Variants in ZNF704 observed in about 807,000 individuals in gnomAD.
ZNF704 encodes the protein glucocorticoid induced gene 1.
In ZNF704, 10 loss-of-function variants were observed where a neutral mutation model predicts 44.7. That is an observed-to-expected ratio of 0.22 (90% CI 0.14 to 0.38). ZNF704 has a LOEUF of 0.38. Among genes scored for constraint, ZNF704 ranks in the 10% least tolerant of loss-of-function variants. The pLI is 1.00. For missense variants in ZNF704, 390 were observed against 545.5 expected (o/e 0.71, Z 2.84); for synonymous variants, 211 against 207.6 (o/e 1.02, Z -0.14).
intron 2 of ZNF704, among the ~76,000 whole-genome samples, chr8:80,788,093 TAGTC>T (rs1554581880): frequency 6.6e-6 from 1 of 152,186 alleles, no homozygotes; most frequent in Non-Finnish European, 1.5e-5. Flanking sequence ...CCAAACATGA[TAGTC>T]AGAATTTCAT....
At chr8:80,693,824 G>T (rs1043613376) in intron 2 of ZNF704, among the ~76,000 whole-genome samples, 2 of 152,220 alleles carry the variant, frequency 1.3e-5, no homozygotes, top group Non-Finnish European at 2.9e-5. Flanking sequence ...AGTGAAATGG[G>T]AAGTCCCTGG....
intron 2 of ZNF704, among the ~76,000 whole-genome samples, chr8:80,776,121 T>C (rs906470099): frequency 6.6e-6 from 1 of 152,160 alleles, no homozygotes; most frequent in Non-Finnish European, 1.5e-5. Context: ...GCTAAATATT[T>C]AGCTCACTTG....
rs144304790 is a variant in ZNF704, at chr8:80,695,827, T to A, written c.222-2720A>T. On this transcript the variant is annotated intron_variant, in intron 2 of 8. Coordinates refer to ENST00000327835, the MANE Select transcript of ZNF704 (RefSeq NM_001033723.3). ...AGAATGAAAAAAGGAATAATTAGTATAATCAGAGTGTTTTTGGATTTGGAT... is the reference window on the plus strand; with the variant it reads ...AGAATGAAAAAAGGAATAATTAGTAAAATCAGAGTGTTTTTGGATTTGGAT... 4.8e-3 allele frequency among the ~76,000 whole-genome samples: 727 copies of A among 152,348 alleles called. 5 individuals are homozygous for A. The highest frequency in any genetic ancestry group is 0.025 in the South Asian group (122 of 4,824).
chr8:80,696,667 C>T (rs1818730518), intron 2 of ZNF704, among the ~76,000 whole-genome samples: 1 of 152,222 alleles, frequency 6.6e-6, no homozygotes, highest in Admixed American at 6.5e-5. Flanking sequence ...ATCTACCTGC[C>T]TTAGCCTCCT....
chr8:80,657,177 T>G (rs1818029024), intron 7 of ZNF704, among the ~76,000 whole-genome samples: 1 of 152,148 alleles, frequency 6.6e-6, no homozygotes, highest in Admixed American at 6.6e-5. Context: ...CCTGCTTGTT[T>G]TTTTTAGAGC....
At chr8:80,646,471 T>C (rs1817835867) in intron 7 of ZNF704, among the ~76,000 whole-genome samples, 1 of 132,084 alleles carries the variant, frequency 7.6e-6, no homozygotes, top group South Asian at 2.3e-4. Context: ...GTGAGACACA[T>C]CTCAAAAAAA....
intron 2 of ZNF704, among the ~76,000 whole-genome samples, chr8:80,723,640 G>A (rs1806415816): frequency 6.6e-6 from 1 of 152,126 alleles, no homozygotes; most frequent in Non-Finnish European, 1.5e-5. Flanking sequence ...AACCTTAAAA[G>A]TAATACTATA....
At chr8:80,709,424 C>A (rs1337054997) in intron 2 of ZNF704, among the ~76,000 whole-genome samples, 6 of 110,116 alleles carry the variant, frequency 5.4e-5, no homozygotes, top group Non-Finnish European at 8.3e-5. Context: ...ACCTTGGCAA[C>A]AGTGCGAGAC....
intron 3 of ZNF704, among the ~76,000 whole-genome samples, chr8:80,692,267 G>C (rs903320088): frequency 2.6e-5 from 4 of 152,166 alleles, no homozygotes; most frequent in Non-Finnish European, 4.4e-5. Flanking sequence ...AAAAGATATG[G>C]AGAATTTCAG....
intron 2 of ZNF704, among the ~76,000 whole-genome samples, chr8:80,765,607 G>A (rs1807214782): frequency 6.6e-6 from 1 of 152,092 alleles, no homozygotes; most frequent in Non-Finnish European, 1.5e-5. Context: ...TTATTCCCCA[G>A]AATTTAGATG....
intron 2 of ZNF704, among the ~76,000 whole-genome samples, chr8:80,760,654 CAAA>C (rs1156753093): frequency 6.7e-5 from 4 of 59,874 alleles, no homozygotes; most frequent in African/African-American, 9.6e-5. Context: ...GACTCCATCT[CAAA>C]AAAAAAAAAA....
chr8:80,698,075 C>T (rs990954670), intron 2 of ZNF704, among the ~76,000 whole-genome samples: 3 of 152,110 alleles, frequency 2.0e-5, no homozygotes, highest in East Asian at 1.9e-4. Flanking sequence ...TTGGATTCTA[C>T]GTTTAAGAGT....
At chr8:80,819,723 A>G (rs1275823925) in intron 2 of ZNF704, among the ~76,000 whole-genome samples, 1 of 152,180 alleles carries the variant, frequency 6.6e-6, no homozygotes, top group East Asian at 1.9e-4. Context: ...CTTAACATGT[A>G]TTTATACGAA....
At chr8:80,643,994 C>T (rs914167980) in intron 7 of ZNF704, among the ~76,000 whole-genome samples, 4 of 152,142 alleles carry the variant, frequency 2.6e-5, no homozygotes, top group Admixed American at 2.0e-4. Context: ...TCTCACGTCC[C>T]AACAGGAAGG....
intron 2 of ZNF704, among the ~76,000 whole-genome samples, chr8:80,712,243 G>A (rs1045512690): frequency 1.1e-4 from 17 of 152,126 alleles, no homozygotes; most frequent in Non-Finnish European, 2.4e-4. Context: ...GATGCCTTCC[G>A]GCACTTTATG....
intron 2 of ZNF704, among the ~76,000 whole-genome samples, chr8:80,785,917 T>C (rs1442805529): frequency 1.3e-5 from 2 of 152,190 alleles, no homozygotes; most frequent in Non-Finnish European, 2.9e-5. Flanking sequence ...AGAAAATATA[T>C]GTGTGCATAC....
At chr8:80,778,141 G>T (rs1807447144) in intron 2 of ZNF704, among the ~76,000 whole-genome samples, 1 of 152,000 alleles carries the variant, frequency 6.6e-6, no homozygotes. Context: ...CTAATATCCA[G>T]CATCTATAAG....
chr8:80,789,035 G>T (rs1164875554), intron 2 of ZNF704, among the ~76,000 whole-genome samples: 1 of 152,054 alleles, frequency 6.6e-6, no homozygotes, highest in Non-Finnish European at 1.5e-5. Context: ...TTAAAGCATT[G>T]CAAAGTGTTA....
chr8:80,657,038 C>T (rs1818026778), intron 7 of ZNF704, among the ~76,000 whole-genome samples: 1 of 152,070 alleles, frequency 6.6e-6, no homozygotes. Context: ...GCTTGCCTGG[C>T]ACTCCTGGAG....
Sources: gnomAD v4.1 joint callset for allele counts (sites outside exome capture counted in the v4.1 genomes callset) on GRCh38, gnomAD v4.1.1 for gene constraint, MANE v1.5 for transcripts, NCBI Gene and HGNC (gene_info 2026-07-23, HGNC 2026-07-21) for gene names.